PCDHGA3: variants seen among roughly 807,000 people sequenced by gnomAD.
PCDHGA3 encodes the protein protocadherin gamma-A3.
A neutral mutation model predicts 58.5 loss-of-function variants in PCDHGA3; 40 were observed. The ratio of observed to expected loss-of-function variants is 0.68; its 90% CI spans 0.53 to 0.89. The LOEUF is 0.89. Ranked by LOEUF, PCDHGA3 falls within the 40% of genes least tolerant of loss-of-function variation. The pLI is 0.00. For synonymous variants in PCDHGA3, 530 were observed against 525.7 expected (o/e 1.01, Z -0.11); for missense variants, 1,223 against 1,195.9 (o/e 1.02, Z -0.33).
At position 141,410,085 on chromosome 5, in the gene PCDHGA3, C is replaced by G; in HGVS notation, c.2424+63628C>G. 3 of 1,612,476 alleles carry G rather than the reference C, an allele frequency of 1.9e-6. No homozygotes were observed. In the South Asian group the frequency reaches 3.3e-5, roughly 18 times the overall value. On this transcript the variant is annotated intron_variant, in intron 1 of 3. Transcript: ENST00000253812. Reference sequence around the variant, plus strand: ...GGGCTGCGCACTGGGGAGGTGCGCACGGCTCGAGCCTTAGGCGACAGGGAC... The same window carrying G: ...GGGCTGCGCACTGGGGAGGTGCGCAGGGCTCGAGCCTTAGGCGACAGGGAC...
In PCDHGA3 at chr5:141,511,125, A is replaced by T. The variant is rs755685600; in HGVS notation, c.2751A>T (p.Ala917=). Residue 917 remains alanine, a synonymous_variant, in exon 4 of 4, where the codon GCA becomes GCT. Transcript: ENST00000253812. ...GCAAGCGGGATGGCAAGGCCCCAGCAGGTGGCAATGGCAACAAGAAGAAGT... is the reference window on the plus strand; with the variant it reads ...GCAAGCGGGATGGCAAGGCCCCAGCTGGTGGCAATGGCAACAAGAAGAAGT... ...AAGKRDGKAP[A]GGNGNKKKSG... 2 of 1,614,216 alleles carry T rather than the reference A, an allele frequency of 1.2e-6. No individual in the cohort carries two copies. The highest frequency in any genetic ancestry group is 2.2e-5 in the South Asian group (2 of 91,092).
At chr5:141,410,818 T>G in intron 1 of PCDHGA3, 2 of 556,016 alleles carry the variant, frequency 3.6e-6, no homozygotes, top group Non-Finnish European at 5.8e-6. Context: ...TGTAAAATAA[T>G]GTCACCAGAC....
intron 1 of PCDHGA3, chr5:141,385,308 C>G: frequency 1.9e-6 from 3 of 1,612,216 alleles, no homozygotes; most frequent in Non-Finnish European, 2.5e-6. Context: ...GTAAAGAAAA[C>G]CTGCCAAGTA....
chr5:141,386,226 C>T (rs1164415292), intron 1 of PCDHGA3, among the ~76,000 whole-genome samples: 1 of 152,142 alleles, frequency 6.6e-6, no homozygotes, highest in Non-Finnish European at 1.5e-5. Flanking sequence ...ATTAGGTCTA[C>T]TGAAAAATTC....
At chr5:141,414,220 C>T in intron 1 of PCDHGA3, 1 of 1,613,094 alleles carries the variant, frequency 6.2e-7, no homozygotes, top group Non-Finnish European at 8.5e-7. Flanking sequence ...TGACAACAGT[C>T]CAGAGCTGAC....
intron 3 of PCDHGA3, chr5:141,506,955 C>T (rs1387377785): frequency 2.6e-5 from 4 of 152,362 alleles, no homozygotes; most frequent in South Asian, 2.1e-4. Context: ...AATGAATCCT[C>T]TCAATAGCTC....
chr5:141,418,079 C>A, intron 1 of PCDHGA3: 1 of 1,614,048 alleles, frequency 6.2e-7, no homozygotes, highest in Non-Finnish European at 8.5e-7. Context: ...GGAGAAGCTG[C>A]ACTTCAGCGT....
In PCDHGA3 at chr5:141,390,225, G is replaced by A. The variant is rs886390636; in HGVS notation, c.2424+43768G>A. 25 of 1,613,922 alleles carry A rather than the reference G, an allele frequency of 1.5e-5. No individual in the cohort carries two copies. Among genetic ancestry groups the A allele is most frequent in the Non-Finnish European group, 1.9e-5 (23 of 1,179,908 alleles). On this transcript the variant is annotated intron_variant, in intron 1 of 3. Transcript: ENST00000253812. Reference sequence around the variant, plus strand: ...TTCAGGACAAGACATACTTTGCGGTGATTCATCTGGGGCCTTATTTCCACT... The same window carrying A: ...TTCAGGACAAGACATACTTTGCGGTAATTCATCTGGGGCCTTATTTCCACT...
At chr5:141,371,260 G>C in intron 1 of PCDHGA3, 1 of 1,614,034 alleles carries the variant, frequency 6.2e-7, no homozygotes, top group Non-Finnish European at 8.5e-7. Flanking sequence ...AAGGAAGTGA[G>C]ACAACTGTTC....
rs2099735810 is a variant in PCDHGA3 at position 141,491,979 on chromosome 5, G to A, written c.2425-2828G>A. On this transcript the variant is annotated intron_variant, in intron 1 of 3. Transcript: ENST00000253812. This position sits in a 1 kb window ranked among gnomAD's most constrained non-coding sequence, Gnocchi z 6.9. ...CAAAAAAGGCCGGGGCCTCCTTCGA[G>A]CTTCCGGTGAATTTCGGGCGATTTC... 6.4e-6 allele frequency: 5 copies of A among 787,296 alleles called. No homozygotes were observed. Among genetic ancestry groups the A allele is most frequent in the Non-Finnish European group, 9.4e-6 (5 of 533,208 alleles). 48.8% of individuals were successfully genotyped at this position (787,296 alleles called of 1,614,324 possible).
At chr5:141,349,790 GA>G (rs1214644690) in intron 1 of PCDHGA3, among the ~76,000 whole-genome samples, 3 of 151,966 alleles carry the variant, frequency 2.0e-5, no homozygotes, top group Admixed American at 6.6e-5. Flanking sequence ...AATCACTGAA[GA>G]TTTTTTTTTA....
chr5:141,498,703 G>A (rs961006063), intron 2 of PCDHGA3, among the ~76,000 whole-genome samples: 7 of 152,228 alleles, frequency 4.6e-5, no homozygotes, highest in Non-Finnish European at 8.8e-5. Flanking sequence ...AGGCTGAGGT[G>A]GGTGGATCAC....
intron 1 of PCDHGA3, chr5:141,370,312 G>A (rs2149960218): frequency 2.4e-6 from 3 of 1,269,470 alleles, no homozygotes; most frequent in Non-Finnish European, 3.3e-6. Flanking sequence ...AAAGCAAATA[G>A]TTGGTCCTGC....
intron 1 of PCDHGA3, chr5:141,407,992 G>A (rs929571955): frequency 4.3e-5 from 37 of 851,508 alleles, no homozygotes; most frequent in Middle Eastern, 3.7e-4. Context: ...GTCAGCCTCT[G>A]GCCTGGGATT....
chr5:141,357,979 C>T (rs554928624), intron 1 of PCDHGA3, among the ~76,000 whole-genome samples: 3 of 152,118 alleles, frequency 2.0e-5, no homozygotes, highest in Admixed American at 6.5e-5. Flanking sequence ...TGCCTGAGCT[C>T]AGGAGTTCGA....
rs978782104 is a variant in PCDHGA3 at position 141,431,445 on chromosome 5, G to C, written c.2425-63362G>C. 1 of 1,613,742 alleles carries C rather than the reference G, an allele frequency of 6.2e-7. No homozygotes were observed. On this transcript the variant is annotated intron_variant, in intron 1 of 3. Transcript: ENST00000253812. This position sits in a 1 kb window ranked among gnomAD's most constrained non-coding sequence, Gnocchi z 4.8. ...GTGCGCACAGGCACCGCGCGCATCC[G>C]CGTGATGGTTCTGGATGCGAACGAC...
chr5:141,501,636 C>T (rs2099810310), intron 2 of PCDHGA3, among the ~76,000 whole-genome samples: 1 of 152,130 alleles, frequency 6.6e-6, no homozygotes, highest in South Asian at 2.1e-4. Flanking sequence ...CTCAACCTCT[C>T]TGAGCCCTGT....
At chr5:141,507,474 C>T (rs774159694) in intron 3 of PCDHGA3, among the ~76,000 whole-genome samples, 2 of 152,196 alleles carry the variant, frequency 1.3e-5, no homozygotes, top group Non-Finnish European at 2.9e-5. Flanking sequence ...GCAGGGACTG[C>T]TGGCCTCCTG....
At chr5:141,414,183 A>C in intron 1 of PCDHGA3, 1 of 1,609,508 alleles carries the variant, frequency 6.2e-7, no homozygotes, top group Non-Finnish European at 8.5e-7. Flanking sequence ...CAACTGCAAA[A>C]GTGTTGATTA....
Sources: gnomAD v4.1 joint callset for allele counts (sites outside exome capture counted in the v4.1 genomes callset) on GRCh38, gnomAD v4.1.1 for gene constraint, Gnocchi (gnomAD v3.1) non-coding constraint, MANE v1.5 for transcripts, NCBI Gene and HGNC (gene_info 2026-07-23, HGNC 2026-07-21) for gene names.